The following MCF2 variants were observed in gnomAD, a reference collection of about 807,000 sequenced individuals.
MCF2 encodes the protein proto-oncogene DBL.
MCF2 carries 44 observed loss-of-function variants against 82.5 expected under a neutral mutation model. The observed-to-expected ratio is 0.53, with a 90% CI of 0.42 to 0.69. MCF2 has a LOEUF of 0.69. Among genes scored for constraint, MCF2 ranks in the 30% least tolerant of loss-of-function variants. The pLI is 0.00. For missense variants in MCF2, 623 were observed against 663.1 expected (o/e 0.94, Z 0.66); for synonymous variants, 217 against 224.9 (o/e 0.96, Z 0.32).
chrX:139,686,524 A>G lies in MCF2; in HGVS notation c.-45+21582T>C, dbSNP rs746011323. Among the ~76,000 whole-genome samples, 98 of 104,253 alleles carry G rather than the reference A, an allele frequency of 9.4e-4. 1 individual carries two copies. The highest frequency in any genetic ancestry group is 1.0e-3 in the Non-Finnish European group (51 of 50,883). 90.5% of individuals were successfully genotyped at this position (104,253 alleles called of 115,157 possible). On this transcript the variant is annotated intron_variant, in intron 1 of 27. Transcript: ENST00000414978. ...GTGATAGAGTGAGACTCTATCTCGG[A>G]AAAAAAAAAAGTTAACAGGTTCAAA...
intron 10 of MCF2, among the ~76,000 whole-genome samples, chrX:139,614,642 T>C (rs756684114): frequency 3.6e-5 from 4 of 111,080 alleles, no homozygotes; most frequent in Non-Finnish European, 7.6e-5. Flanking sequence ...TTTTCAAGGC[T>C]GGAGTACTCA....
intron 6 of MCF2, among the ~76,000 whole-genome samples, chrX:139,625,157 GACAA>G (rs969042430): frequency 9.0e-6 from 1 of 111,211 alleles, no homozygotes; most frequent in South Asian, 3.8e-4. Flanking sequence ...TATAATCTAA[GACAA>G]ACAACAATAT....
chrX:139,640,465 T>G (rs959540276), intron 1 of MCF2, among the ~76,000 whole-genome samples: 1 of 111,800 alleles, frequency 8.9e-6, no homozygotes, highest in Non-Finnish European at 1.9e-5. Flanking sequence ...GTCAGGAGGA[T>G]AGCCCAAAGC....
At chrX:139,675,201 T>A (rs1934830131) in intron 1 of MCF2, among the ~76,000 whole-genome samples, 1 of 105,276 alleles carries the variant, frequency 9.5e-6, no homozygotes, top group Non-Finnish European at 1.9e-5. Flanking sequence ...GCCATTCGTC[T>A]AATCTTTTTT....
At chrX:139,596,822 C>G in intron 18 of MCF2, 52 bp from the exon 23 acceptor site, 1 of 822,167 alleles carries the variant, frequency 1.2e-6, no homozygotes, top group Non-Finnish European at 1.8e-6. Flanking sequence ...ACATTCAGCT[C>G]TCTGACACCA....
chrX:139,611,445 C>G (rs758176451), intron 10 of MCF2, among the ~76,000 whole-genome samples: 1 of 112,248 alleles, frequency 8.9e-6, no homozygotes, highest in South Asian at 3.6e-4. Flanking sequence ...GAGATCCAAA[C>G]TTATTTTTAA....
chrX:139,645,702 C>A, upstream of MCF2: 2 of 753,142 alleles, frequency 2.7e-6, no homozygotes, highest in Non-Finnish European at 4.0e-6. Context: ...AATAATAATG[C>A]AAATTTGTTA....
intron 20 of MCF2, among the ~76,000 whole-genome samples, chrX:139,589,270 A>G (rs1211319108): frequency 8.9e-6 from 1 of 112,179 alleles, no homozygotes. Context: ...AAGAATTACA[A>G]CAAACAAAAA....
At chrX:139,583,152 G>A (rs901128205) in intron 24 of MCF2, among the ~76,000 whole-genome samples, 9 of 111,686 alleles carry the variant, frequency 8.1e-5, no homozygotes, top group African/African-American at 2.3e-4. Context: ...AAGTGGATAT[G>A]AGAATTCACC....
At chrX:139,627,692 C>T (rs1314388245) in intron 4 of MCF2, among the ~76,000 whole-genome samples, 2 of 111,771 alleles carry the variant, frequency 1.8e-5, no homozygotes, top group Admixed American at 9.5e-5. Context: ...CATTGTTATA[C>T]ATAGATCAGT....
chrX:139,692,126 G>A, intron 1 of MCF2: 2 of 1,154,210 alleles, frequency 1.7e-6, no homozygotes, highest in Non-Finnish European at 1.2e-6. Context: ...CTTGGGGCAT[G>A]TGCCTGGCCG....
chrX:139,636,584 T>C lies in MCF2; in HGVS notation c.52-4130A>G, dbSNP rs542823885. ...AGGGGATGGGAGGATACTATGGGAA[T>C]AGAGAGAGCTATGTAGCAACTCTCT... On this transcript the variant is annotated intron_variant, in intron 1 of 24. Transcript: ENST00000370576. 1.3e-3 allele frequency among the ~76,000 whole-genome samples: 142 copies of C among 110,906 alleles called. 2 individuals carry two copies. In the South Asian group the frequency reaches 0.048, roughly 37 times the overall value.
chrX:139,616,782 C>T (rs1931949480), intron 8 of MCF2, among the ~76,000 whole-genome samples: 1 of 110,663 alleles, frequency 9.0e-6, no homozygotes, highest in South Asian at 3.7e-4. Flanking sequence ...CGACCATTTT[C>T]TCAGCACTAA....
At chrX:139,646,781 T>C (rs1933816281), upstream of MCF2, 1 of 963,359 alleles carries the variant, frequency 1.0e-6, no homozygotes, top group African/African-American at 2.0e-5. Context: ...TGTAATGAAA[T>C]ACTATACCTT....
At chrX:139,691,956 C>G in intron 1 of MCF2, 2 of 1,166,609 alleles carry the variant, frequency 1.7e-6, no homozygotes, top group Non-Finnish European at 2.3e-6. Flanking sequence ...GTAGTTCTTC[C>G]CGTACTTCTC....
chrX:139,618,218 C>CA (rs1389358721), intron 7 of MCF2, among the ~76,000 whole-genome samples: 1 of 110,222 alleles, frequency 9.1e-6, no homozygotes, highest in Admixed American at 9.7e-5. Context: ...TCACTCCCCC[C>CA]AGTGTAGAGA....
intron 11 of MCF2, among the ~76,000 whole-genome samples, chrX:139,609,310 C>A (rs1476084475): frequency 8.9e-6 from 1 of 112,325 alleles, no homozygotes; most frequent in Non-Finnish European, 1.9e-5. Context: ...TTTGGGAGAC[C>A]AAGGCGGGAG....
At chrX:139,643,719 G>A (rs953688002), upstream of MCF2, among the ~76,000 whole-genome samples, 6 of 110,242 alleles carry the variant, frequency 5.4e-5, no homozygotes, top group African/African-American at 1.7e-4. Flanking sequence ...ATCACTCCCC[G>A]GTAGACAAGT....
chrX:139,633,599 A>C (rs768399070), intron 1 of MCF2, among the ~76,000 whole-genome samples: 2 of 110,913 alleles, frequency 1.8e-5, no homozygotes, highest in Admixed American at 1.9e-4. Flanking sequence ...ACACTGGGGG[A>C]CAATGGGAGA....
Sources: gnomAD v4.1 joint callset for allele counts (sites outside exome capture counted in the v4.1 genomes callset) on GRCh38, gnomAD v4.1.1 for gene constraint, MANE v1.5 for transcripts, NCBI Gene and HGNC (gene_info 2026-07-23, HGNC 2026-07-21) for gene names.